SCFD2: variants seen among roughly 807,000 people sequenced by gnomAD.
SCFD2 encodes the protein sec1 family domain containing 2.
A neutral mutation model predicts 58.9 loss-of-function variants in SCFD2; 54 were observed. The ratio of observed to expected loss-of-function variants is 0.92; its 90% CI spans 0.74 to 1.15. The LOEUF (loss-of-function observed/expected upper bound fraction) is 1.15, where lower values mean the gene tolerates loss of function less well. SCFD2 is among the 50% of genes most tolerant of loss of function. SCFD2 has a pLI of 0.00. For missense variants in SCFD2, 805 were observed against 836.6 expected (o/e 0.96, Z 0.47); for synonymous variants, 321 against 335.9 (o/e 0.96, Z 0.49).
intron 3 of SCFD2, among the ~76,000 whole-genome samples, chr4:53,285,521 A>T (rs1442192437): frequency 6.6e-6 from 1 of 152,064 alleles, no homozygotes; most frequent in Non-Finnish European, 1.5e-5. Flanking sequence ...GAAGACTGAT[A>T]AGAAAGATGG....
chr4:53,075,272 G>A (rs953929884), intron 5 of SCFD2, among the ~76,000 whole-genome samples: 1 of 152,146 alleles, frequency 6.6e-6, no homozygotes, highest in African/African-American at 2.4e-5. Context: ...AATATTTAGG[G>A]CTTGCTCTGG....
At chr4:53,300,193 T>A (rs1322265202) in intron 3 of SCFD2, among the ~76,000 whole-genome samples, 1 of 152,078 alleles carries the variant, frequency 6.6e-6, no homozygotes, top group Non-Finnish European at 1.5e-5. Context: ...TATGCTGTAT[T>A]CAGGAAACCC....
chr4:53,202,173 T>A (rs541596193), intron 4 of SCFD2, among the ~76,000 whole-genome samples: 5 of 152,266 alleles, frequency 3.3e-5, no homozygotes, highest in South Asian at 2.1e-4. Flanking sequence ...AACATGTAAG[T>A]CTTTAATCCA....
At chr4:53,329,860 G>T (rs539799175) in intron 2 of SCFD2, among the ~76,000 whole-genome samples, 135 of 152,010 alleles carry the variant, frequency 8.9e-4, no homozygotes, top group Non-Finnish European at 1.5e-3. Flanking sequence ...AAATTTAGAA[G>T]AATGTATAAC....
At chr4:53,140,067 G>T (rs2148907893) in intron 5 of SCFD2, among the ~76,000 whole-genome samples, 1 of 151,952 alleles carries the variant, frequency 6.6e-6, no homozygotes, top group South Asian at 2.1e-4. Flanking sequence ...CACAAACACT[G>T]CGGAAGGCGG....
intron 4 of SCFD2, among the ~76,000 whole-genome samples, chr4:53,227,177 T>A (rs183288517): frequency 3.3e-5 from 5 of 152,256 alleles, no homozygotes; most frequent in African/African-American, 1.2e-4. Flanking sequence ...ATCCTTCCTA[T>A]CACCACTCTA....
At chr4:52,954,856 T>C (rs1252988303) in intron 5 of SCFD2, among the ~76,000 whole-genome samples, 1 of 152,172 alleles carries the variant, frequency 6.6e-6, no homozygotes, top group Non-Finnish European at 1.5e-5. Flanking sequence ...AAAAGAGACA[T>C]GGAAGAGGCT....
At chr4:53,050,095 T>C (rs559802814) in intron 5 of SCFD2, among the ~76,000 whole-genome samples, 8 of 152,288 alleles carry the variant, frequency 5.3e-5, no homozygotes, top group African/African-American at 1.9e-4. Flanking sequence ...GGTAGTCATA[T>C]AATGGAGGTA....
At chr4:53,268,939 G>A (rs1290842867) in intron 4 of SCFD2, among the ~76,000 whole-genome samples, 2 of 152,088 alleles carry the variant, frequency 1.3e-5, no homozygotes, top group East Asian at 1.9e-4. Context: ...CAAGGATAAT[G>A]GGAGACAAGT....
intron 3 of SCFD2, among the ~76,000 whole-genome samples, chr4:53,290,848 T>C (rs545182964): frequency 1.3e-5 from 2 of 152,152 alleles, no homozygotes; most frequent in East Asian, 3.9e-4. Context: ...TTGGATAACC[T>C]AGAGAAAATT....
chr4:53,350,519 T>C (rs186960022), intron 2 of SCFD2, among the ~76,000 whole-genome samples: 14 of 152,344 alleles, frequency 9.2e-5, no homozygotes, highest in Non-Finnish European at 1.6e-4. Flanking sequence ...AAACCCTTTA[T>C]TGCTTAAATT....
chr4:53,111,483 C>T (rs956651972), intron 5 of SCFD2, among the ~76,000 whole-genome samples: 3 of 152,124 alleles, frequency 2.0e-5, no homozygotes, highest in African/African-American at 7.2e-5. Flanking sequence ...GGTCATCTTT[C>T]AAGCAAAATG....
intron 5 of SCFD2, among the ~76,000 whole-genome samples, chr4:53,041,622 G>A (rs963232884): frequency 6.6e-6 from 1 of 152,102 alleles, no homozygotes; most frequent in Non-Finnish European, 1.5e-5. Flanking sequence ...GAAAGGATGA[G>A]AGAAAGAATG....
chr4:52,962,708 A>C (rs1393114454), intron 5 of SCFD2, among the ~76,000 whole-genome samples: 1 of 152,234 alleles, frequency 6.6e-6, no homozygotes, highest in Non-Finnish European at 1.5e-5. Context: ...CTAAGAAAGT[A>C]GACAAAAGTT....
intron 6 of SCFD2, among the ~76,000 whole-genome samples, chr4:52,914,042 A>G (rs1255416604): frequency 6.6e-6 from 1 of 152,228 alleles, no homozygotes; most frequent in East Asian, 1.9e-4. Flanking sequence ...AACAACTGGC[A>G]AGCTGCAGGT....
chr4:53,340,469 G>A (rs553299048), intron 2 of SCFD2, among the ~76,000 whole-genome samples: 2 of 152,338 alleles, frequency 1.3e-5, no homozygotes, highest in South Asian at 2.1e-4. Context: ...CTGGAAGCTA[G>A]AACTGGGTGG....
intron 5 of SCFD2, among the ~76,000 whole-genome samples, chr4:52,965,538 C>G (rs1380081389): frequency 6.6e-6 from 1 of 152,244 alleles, no homozygotes; most frequent in Non-Finnish European, 1.5e-5. Context: ...TTCCACAGCA[C>G]TGTGCAGTAT....
At chr4:52,929,872 A>C (rs1719950251) in intron 5 of SCFD2, among the ~76,000 whole-genome samples, 1 of 152,200 alleles carries the variant, frequency 6.6e-6, no homozygotes, top group African/African-American at 2.4e-5. Flanking sequence ...GGACACAAAC[A>C]AATGGAAAAA....
In SCFD2 at chr4:52,992,308, C is replaced by T. The variant is rs376722756; in HGVS notation, c.1562-71438G>A. ...CCTCCTGAGGTGCCGGGATTGCAGACGGAGTCTCCCTCACTCAGTGCTCAA... is the reference window on the plus strand; with the variant it reads ...CCTCCTGAGGTGCCGGGATTGCAGATGGAGTCTCCCTCACTCAGTGCTCAA... On this transcript the variant is annotated intron_variant, in intron 5 of 8. Coordinates refer to ENST00000401642, the MANE Select transcript of SCFD2 (RefSeq NM_152540.4). Among the ~76,000 whole-genome samples, 442 of 152,314 alleles carry T rather than the reference C, an allele frequency of 2.9e-3. 6 individuals carry two copies. The highest frequency in any genetic ancestry group is 0.01 in the Middle Eastern group (3 of 294).
Sources: gnomAD v4.1 joint callset for allele counts (sites outside exome capture counted in the v4.1 genomes callset) on GRCh38, gnomAD v4.1.1 for gene constraint, MANE v1.5 for transcripts, NCBI Gene and HGNC (gene_info 2026-07-23, HGNC 2026-07-21) for gene names.